TRAPPC9: variants seen among roughly 807,000 people sequenced by gnomAD.
TRAPPC9 encodes trafficking protein particle complex subunit 9.
A neutral mutation model predicts 124.0 loss-of-function variants in TRAPPC9; 83 were observed. The observed-to-expected ratio is 0.67, with a 90% CI of 0.56 to 0.80. TRAPPC9 has a LOEUF of 0.80. Ranked by LOEUF, TRAPPC9 falls within the 30% of genes least tolerant of loss-of-function variation. The pLI is 0.00. For missense variants in TRAPPC9, 1,302 were observed against 1,508.3 expected (o/e 0.86, Z 2.27); for synonymous variants, 638 against 617.5 (o/e 1.03, Z -0.49).
intron 18 of TRAPPC9, among the ~76,000 whole-genome samples, chr8:139,999,432 C>T (rs911915683): frequency 1.3e-5 from 2 of 151,880 alleles, no homozygotes; most frequent in Non-Finnish European, 2.9e-5. Context: ...TTTCAAAATA[C>T]ATGAAATAAA....
At chr8:139,934,590 C>G (rs1448714302) in intron 19 of TRAPPC9, among the ~76,000 whole-genome samples, 1 of 152,152 alleles carries the variant, frequency 6.6e-6, no homozygotes, top group Non-Finnish European at 1.5e-5. Context: ...CACTTCTAAA[C>G]CGCTCAGCAA....
intron 8 of TRAPPC9, among the ~76,000 whole-genome samples, chr8:140,368,620 T>C (rs544219838): frequency 6.6e-6 from 1 of 152,200 alleles, no homozygotes; most frequent in African/African-American, 2.4e-5. Flanking sequence ...AGAGCAGAAG[T>C]GCCCTCCCCA....
In TRAPPC9 at chr8:140,328,204, G is replaced by A. The variant is rs186357641; in HGVS notation, c.1496-16830C>T. Among the ~76,000 whole-genome samples the A allele has an allele frequency of 1.6e-4, 24 of 152,224 alleles. 1 individual carries two copies. Among genetic ancestry groups the A allele is most frequent in the African/African-American group, 4.8e-4 (20 of 41,530 alleles). On this transcript the variant is annotated intron_variant, in intron 9 of 22. Transcript: ENST00000438773. ...CAGGGAGCGGAGGTTGCAGTAAGCC[G>A]AGATCATGCCACTTCACTCCAGCCT...
At chr8:140,345,385 G>A (rs1234129329) in intron 9 of TRAPPC9, among the ~76,000 whole-genome samples, 2 of 152,232 alleles carry the variant, frequency 1.3e-5, no homozygotes, top group East Asian at 1.9e-4. Flanking sequence ...AAGAGCTGGA[G>A]TGTTCTGAGG....
chr8:140,011,697 T>C (rs12675411), intron 18 of TRAPPC9, among the ~76,000 whole-genome samples: 4 of 92,948 alleles, frequency 4.3e-5, no homozygotes, highest in African/African-American at 1.8e-4. Context: ...TTTTTTTTTT[T>C]GACGGAGTCT....
intron 21 of TRAPPC9, among the ~76,000 whole-genome samples, chr8:139,753,021 C>T (rs1273584984): frequency 6.6e-6 from 1 of 150,612 alleles, no homozygotes. Flanking sequence ...CACCCATCTA[C>T]CATCCATCCA....
chr8:140,020,699 T>C (rs1051512945), intron 18 of TRAPPC9, among the ~76,000 whole-genome samples: 1 of 152,238 alleles, frequency 6.6e-6, no homozygotes, highest in Admixed American at 6.5e-5. Context: ...TTTTCTATAT[T>C]GTTACTAATT....
chr8:140,386,519 A>G (rs1477455769), intron 7 of TRAPPC9, among the ~76,000 whole-genome samples: 4 of 152,180 alleles, frequency 2.6e-5, no homozygotes, highest in African/African-American at 7.2e-5. Flanking sequence ...CTATACACCA[A>G]TAACAGACAA....
At chr8:139,861,174 C>T (rs1828118787) in intron 21 of TRAPPC9, among the ~76,000 whole-genome samples, 1 of 152,220 alleles carries the variant, frequency 6.6e-6, no homozygotes, top group Admixed American at 6.5e-5. Context: ...TTACTTTCTG[C>T]AGAAAGGGTG....
intron 21 of TRAPPC9, among the ~76,000 whole-genome samples, chr8:139,745,709 C>T (rs1818841016): frequency 6.6e-6 from 1 of 152,242 alleles, no homozygotes; most frequent in Admixed American, 6.5e-5. Flanking sequence ...CAGAGCAGGA[C>T]AGGGAGGCAA....
intron 15 of TRAPPC9, among the ~76,000 whole-genome samples, chr8:140,255,650 C>T (rs990870073): frequency 1.3e-5 from 2 of 152,238 alleles, no homozygotes; most frequent in African/African-American, 4.8e-5. Flanking sequence ...CTTTGGGAGG[C>T]CAAGGCGGGC....
At chr8:140,003,435 T>C (rs1323421240) in intron 18 of TRAPPC9, among the ~76,000 whole-genome samples, 1 of 151,888 alleles carries the variant, frequency 6.6e-6, no homozygotes, top group Non-Finnish European at 1.5e-5. Flanking sequence ...ACCTCGTCTC[T>C]GCTAAAAATA....
chr8:140,164,284 C>T (rs1211867260), intron 17 of TRAPPC9, among the ~76,000 whole-genome samples: 1 of 152,240 alleles, frequency 6.6e-6, no homozygotes, highest in Non-Finnish European at 1.5e-5. Flanking sequence ...TTGGCTTCTG[C>T]CCATAAACTC....
chr8:140,271,998 TAG>T (rs2064903413), intron 15 of TRAPPC9, among the ~76,000 whole-genome samples: 12 of 128,442 alleles, frequency 9.3e-5, no homozygotes, highest in Admixed American at 8.6e-4. Flanking sequence ...GTGGTGGTGG[TAG>T]TGATGGTGGT....
chr8:139,843,788 C>A (rs1451287930), intron 21 of TRAPPC9, among the ~76,000 whole-genome samples: 1 of 152,228 alleles, frequency 6.6e-6, no homozygotes, highest in African/African-American at 2.4e-5. Flanking sequence ...AGCCCCGTGA[C>A]ACCTCAATTT....
At chr8:139,954,409 A>G (rs1834850502) in intron 19 of TRAPPC9, among the ~76,000 whole-genome samples, 1 of 152,086 alleles carries the variant, frequency 6.6e-6, no homozygotes, top group African/African-American at 2.4e-5. Context: ...GGAGGTAACT[A>G]TGGTTACGTG....
intron 7 of TRAPPC9, among the ~76,000 whole-genome samples, chr8:140,372,415 C>T (rs2068308985): frequency 6.6e-6 from 1 of 152,204 alleles, no homozygotes; most frequent in South Asian, 2.1e-4. Context: ...CTCGATGGGG[C>T]CCTCGTCAGC....
rs553471063 is a variant in TRAPPC9, at chr8:139,888,740, G to C, written c.2965-2771C>G. On this transcript the variant is annotated intron_variant, in intron 20 of 22. Transcript: ENST00000438773. Reference sequence around the variant, plus strand: ...AGCCTATGTTTGCTGAACTGATATTGTTACTGACAAATACTCTGCAATGAA... The same window carrying C: ...AGCCTATGTTTGCTGAACTGATATTCTTACTGACAAATACTCTGCAATGAA... 2.6e-5 allele frequency among the ~76,000 whole-genome samples: 4 copies of C among 152,258 alleles called. No homozygotes were observed. In the East Asian group the frequency reaches 7.7e-4, roughly 29 times the overall value.
chr8:139,804,620 CCCA>C (rs1823886811), intron 21 of TRAPPC9, among the ~76,000 whole-genome samples: 1 of 128,092 alleles, frequency 7.8e-6, no homozygotes, highest in Non-Finnish European at 1.6e-5. Flanking sequence ...ACCACCACCA[CCCA>C]CCACCGCCAC....
Sources: gnomAD v4.1 joint callset for allele counts (sites outside exome capture counted in the v4.1 genomes callset) on GRCh38, gnomAD v4.1.1 for gene constraint, MANE v1.5 for transcripts, NCBI Gene and HGNC (gene_info 2026-07-23, HGNC 2026-07-21) for gene names.